FAM167A: variants seen among roughly 807,000 people sequenced by gnomAD.
FAM167A encodes the protein protein FAM167A.
FAM167A carries 23 observed loss-of-function variants against 14.9 expected under a neutral mutation model. That is an observed-to-expected ratio of 1.55 (90% CI 1.11 to 2.19). The LOEUF is 2.19. Ranked by LOEUF, FAM167A falls within the 30% of genes most tolerant of loss-of-function variation. The pLI is 0.00. For missense variants in FAM167A, 401 were observed against 281.5 expected, an observed-to-expected ratio of 1.42 and a Z score of -3.04; for synonymous variants, 174 against 117.7, an observed-to-expected ratio of 1.48 and a Z score of -3.10.
chr8:11,469,921 T>TAAA (rs55860512), upstream of FAM167A, among the ~76,000 whole-genome samples: 16 of 144,908 alleles, frequency 1.1e-4, no homozygotes, highest in Admixed American at 8.5e-4. Flanking sequence ...AATAAATAAA[T>TAAA]AAAAGATTTA....
In FAM167A at chr8:11,449,675, G is replaced by A. The variant is rs190377421; in HGVS notation, c.-397-4867C>T. On this transcript the variant is annotated intron_variant, in intron 1 of 2. Transcript: ENST00000284486. Reference sequence around the variant, plus strand: ...CAGGCAGGCCACCCAGCAGCAGTGGGGACAAGCCCTTGGGGGGGCGCGTCA... The same window carrying A: ...CAGGCAGGCCACCCAGCAGCAGTGGAGACAAGCCCTTGGGGGGGCGCGTCA... 5.3e-4 allele frequency among the ~76,000 whole-genome samples: 81 copies of A among 152,324 alleles called. 2 individuals are homozygous for A. In the East Asian group the frequency reaches 0.016, roughly 29 times the overall value.
At chr8:11,428,753 C>T (rs994885989) in intron 2 of FAM167A, among the ~76,000 whole-genome samples, 3 of 152,220 alleles carry the variant, frequency 2.0e-5, no homozygotes, top group Non-Finnish European at 4.4e-5. Context: ...CCTGGCTGTG[C>T]TGGGCCCATG....
chr8:11,450,194 C>G (rs1009824501), intron 1 of FAM167A, among the ~76,000 whole-genome samples: 2 of 152,218 alleles, frequency 1.3e-5, no homozygotes, highest in African/African-American at 4.8e-5. Flanking sequence ...TGCCTTAGTT[C>G]AGTTCTCAGG....
intron 1 of FAM167A, chr8:11,445,113 G>C (rs955952506): frequency 2.0e-6 from 2 of 983,210 alleles, no homozygotes; most frequent in African/African-American, 3.5e-5. Context: ...TCACACACGA[G>C]GAACCCACAT....
At chr8:11,475,124 G>T (rs1360803681) in intron 1 of FAM167A, among the ~76,000 whole-genome samples, 2 of 152,152 alleles carry the variant, frequency 1.3e-5, no homozygotes, top group South Asian at 4.1e-4. Context: ...GTGGTTGCAG[G>T]AAGGGCCAGA....
chr8:11,431,917 A>AAG (rs1554524072), intron 2 of FAM167A, among the ~76,000 whole-genome samples: 7,466 of 99,282 alleles, frequency 0.075, 1,825 homozygotes, highest in African/African-American at 0.14. Context: ...AAAAAAAAAA[A>AAG]AAGGATTTTG....
At chr8:11,437,025 G>A (rs1806066006) in intron 2 of FAM167A, among the ~76,000 whole-genome samples, 2 of 152,226 alleles carry the variant, frequency 1.3e-5, no homozygotes, top group South Asian at 4.1e-4. Context: ...CCAGCCTCCA[G>A]GCAAGTTTGA....
intron 2 of FAM167A, chr8:11,434,782 G>C: frequency 3.0e-6 from 1 of 337,710 alleles, no homozygotes; most frequent in African/African-American, 2.1e-5. Flanking sequence ...GGTGGCATGT[G>C]CCCTACACAG....
In FAM167A at chr8:11,475,242, C is replaced by G. The variant is rs574971340; in HGVS notation, c.-398+624G>C. ...GACCCCCTCCCTGTGCCCCTCCAGC[C>G]TGGCCTCAGTTTTCCTACTCGGTTT... On this transcript the variant is annotated intron_variant, in intron 1 of 1. Transcript: ENST00000648766. Among the ~76,000 whole-genome samples, 6 of 152,308 alleles carry G rather than the reference C, an allele frequency of 3.9e-5. 1 individual carries two copies. Among genetic ancestry groups the G allele is most frequent in the African/African-American group, 1.4e-4 (6 of 41,562 alleles).
Position 11,445,414 on chromosome 8 carries a change from C to T in FAM167A, c.-397-606G>A, listed in dbSNP as rs1411303772. On this transcript the variant is annotated intron_variant, in intron 1 of 2. Transcript: ENST00000284486. ...CTAGCTTCTTCCTCCAAGAACAACA[C>T]CTTACCTCACCTCTTCAGAGACAGA... 4 of 985,582 alleles carry T rather than the reference C, an allele frequency of 4.1e-6. No homozygotes were observed. The East Asian group carries it at 4.5e-4, about 112-fold the overall frequency. The allele number at this position is 985,582 out of a possible 1,614,324, so 61.1% of individuals were successfully genotyped here.
At chr8:11,439,756 G>A (rs1426503198) in intron 2 of FAM167A, among the ~76,000 whole-genome samples, 1 of 152,216 alleles carries the variant, frequency 6.6e-6, no homozygotes, top group Non-Finnish European at 1.5e-5. Context: ...TCCTGGCACT[G>A]CATAAACCAC....
In FAM167A at chr8:11,421,880, C is replaced by G. The variant is rs950573944; in HGVS notation, c.*2493G>C. On this transcript the variant is annotated 3_prime_UTR_variant, in exon 3 of 3. Transcript: ENST00000284486. ...CAATGTTGCTGCTGACTCATAGACC[C>G]ACAGAGAGCAGGGACTTCACAAAGC... 2.5e-6 allele frequency: 1 copy of G among 398,490 alleles called. No homozygotes were observed. The highest frequency in any genetic ancestry group is 2.1e-5 in the African/African-American group (1 of 48,620). The allele number at this position is 398,490 out of a possible 1,614,324, so 24.7% of individuals were successfully genotyped here. A position where few individuals can be genotyped will look rare whatever the true frequency, so the allele number is the denominator to read the frequency against.
At chr8:11,465,631 A>C (rs1489724596) in intron 1 of FAM167A, among the ~76,000 whole-genome samples, 1 of 152,194 alleles carries the variant, frequency 6.6e-6, no homozygotes, top group Non-Finnish European at 1.5e-5. Context: ...CAGGCGCCAC[A>C]GCACCTCTGC....
At chr8:11,456,504 AGT>A (rs1807318416) in intron 1 of FAM167A, among the ~76,000 whole-genome samples, 2 of 29,046 alleles carry the variant, frequency 6.9e-5, no homozygotes, top group African/African-American at 1.6e-4. Context: ...TGGGTGTGTG[AGT>A]GTGAGTGTGG....
Position 11,444,524 on chromosome 8 carries a change from G to T in FAM167A, c.-113C>A. The T allele has an allele frequency of 6.8e-7, 1 of 1,478,888 alleles. No homozygotes were observed. The highest frequency in any genetic ancestry group is 1.4e-5 in the South Asian group (1 of 72,318). The allele number at this position is 1,478,888 out of a possible 1,614,324, so 91.6% of individuals were successfully genotyped here. A position where few individuals can be genotyped will look rare whatever the true frequency, so the allele number is the denominator to read the frequency against. ...GGGATGGCCTCATCCAGGTGCCCGA[G>T]GGCATTTCCGGGACAGGAGCCGGCC... On this transcript the variant is annotated 5_prime_UTR_variant, in exon 2 of 3. Transcript: ENST00000284486.
upstream of FAM167A, among the ~76,000 whole-genome samples, chr8:11,468,441 G>A (rs1235092097): frequency 6.6e-6 from 1 of 152,248 alleles, no homozygotes; most frequent in Non-Finnish European, 1.5e-5. Context: ...GTCCTTCATG[G>A]ACCAGTTATA....
chr8:11,468,651 C>T (rs1327063278), upstream of FAM167A, among the ~76,000 whole-genome samples: 1 of 152,220 alleles, frequency 6.6e-6, no homozygotes, highest in East Asian at 1.9e-4. Context: ...CTGGTGTGCC[C>T]ATGGCCCTGG....
intron 1 of FAM167A, among the ~76,000 whole-genome samples, chr8:11,447,913 T>A (rs1318803825): frequency 6.6e-6 from 1 of 152,150 alleles, no homozygotes; most frequent in East Asian, 1.9e-4. Flanking sequence ...TTCTAAGAAT[T>A]GGCCGGGCGC....
At chr8:11,433,624 T>C (rs1477131681) in intron 2 of FAM167A, among the ~76,000 whole-genome samples, 1 of 152,044 alleles carries the variant, frequency 6.6e-6, no homozygotes, top group Admixed American at 6.6e-5. Context: ...CTGGAGAGCG[T>C]GGTAATCAGC....
Sources: gnomAD v4.1 joint callset for allele counts (sites outside exome capture counted in the v4.1 genomes callset) on GRCh38, gnomAD v4.1.1 for gene constraint, MANE v1.5 for transcripts, NCBI Gene and HGNC (gene_info 2026-07-23, HGNC 2026-07-21) for gene names.